Variants in GRHL1 observed in about 807,000 individuals in gnomAD.
The protein encoded by GRHL1 is grainyhead like transcription factor 1.
A neutral mutation model predicts 75.7 loss-of-function variants in GRHL1; 38 were observed. The observed-to-expected ratio is 0.50, with a 90% CI of 0.39 to 0.66. The LOEUF is 0.66. Ranked by LOEUF, GRHL1 falls within the 30% of genes least tolerant of loss-of-function variation. GRHL1 has a pLI of 0.00. For missense variants in GRHL1, 589 were observed against 767.5 expected (o/e 0.77, Z 2.75); for synonymous variants, 266 against 279.4 (o/e 0.95, Z 0.48).
chr2:9,958,977 C>G, intron 3 of GRHL1, 121 bp downstream of exon 3: 1 of 1,394,384 alleles, frequency 7.2e-7, no homozygotes, highest in Non-Finnish European at 9.5e-7. Context: ...AAGTTGGACT[C>G]TTACTATCTA....
At chr2:9,977,986 G>A (rs989471492) in intron 8 of GRHL1, among the ~76,000 whole-genome samples, 11 of 152,194 alleles carry the variant, frequency 7.2e-5, no homozygotes, top group African/African-American at 1.2e-4. Flanking sequence ...GGCGGCCGGC[G>A]AGAGAGAATG....
At chr2:9,985,700 GT>G (rs1668389473) in intron 8 of GRHL1, among the ~76,000 whole-genome samples, 8 of 152,216 alleles carry the variant, frequency 5.3e-5, no homozygotes, top group Non-Finnish European at 4.4e-5. Flanking sequence ...AGTACTACAG[GT>G]TATCCTAAGA....
At chr2:9,989,877 A>G (rs1430843180) in intron 9 of GRHL1, among the ~76,000 whole-genome samples, 1 of 152,036 alleles carries the variant, frequency 6.6e-6, no homozygotes, top group Admixed American at 6.5e-5. Context: ...GTGATGATGC[A>G]TATTTCTAGT....
chr2:9,955,310 G>A (rs549486356), intron 2 of GRHL1, among the ~76,000 whole-genome samples: 8 of 152,304 alleles, frequency 5.3e-5, no homozygotes, highest in East Asian at 1.9e-4. Context: ...CATGCAAAGC[G>A]GTCAGCTGCT....
intron 13 of GRHL1, 82 bp from the exon 14 acceptor site, chr2:9,996,234 T>C (rs994891472): frequency 2.0e-6 from 2 of 985,462 alleles, no homozygotes; most frequent in East Asian, 4.8e-5. Flanking sequence ...TACCGTGGTC[T>C]GTTTTCCTCT....
At position 10,002,137 on chromosome 2, in the gene GRHL1, C is replaced by G. The variant is rs1488483678; in HGVS notation, c.*1430C>G. 1 of 152,490 alleles carries G rather than the reference C, an allele frequency of 6.6e-6. No homozygotes were observed. Among genetic ancestry groups the G allele is most frequent in the Non-Finnish European group, 1.5e-5 (1 of 68,014 alleles). 9.4% of individuals were successfully genotyped at this position (152,490 alleles called of 1,614,324 possible). A position where few individuals can be genotyped will look rare whatever the true frequency, so the allele number is the denominator to read the frequency against. On this transcript the variant is annotated 3_prime_UTR_variant, in exon 16 of 16. Transcript: ENST00000324907. ...GTATGGGAACTAAATTGCTGGTTTT[C>G]TAAGATAAGATATGGGATATGGGTC...
chr2:9,968,799 G>A lies in GRHL1; in HGVS notation c.1110+3418G>A, dbSNP rs550789489. ...AGCGATGCAGCTTTGCAGGAATTCA[G>A]AACTGAGCCCAGCACATATCCGAGA... On this transcript the variant is annotated intron_variant, in intron 8 of 15. Coordinates refer to ENST00000324907, the MANE Select transcript of GRHL1 (RefSeq NM_198182.3). The surrounding 1 kb of genome is among the most constrained non-coding windows in gnomAD (Gnocchi z 4.7). Among the ~76,000 whole-genome samples, 1 of 152,266 alleles carries A rather than the reference G, an allele frequency of 6.6e-6. No homozygotes were observed. Among genetic ancestry groups the A allele is most frequent in the Admixed American group, 6.5e-5 (1 of 15,306 alleles).
chr2:9,998,812 A>ATATATGTACACATATATATATACG (rs1669108347), intron 14 of GRHL1, among the ~76,000 whole-genome samples, 153 bp from the exon 15 acceptor site: 1 of 54,320 alleles, frequency 1.8e-5, no homozygotes, highest in African/African-American at 1.3e-4. Context: ...ATATATACGT[A>ATATATGTACACATATATATATACG]TATATATGTA....
chr2:9,986,380 C>A, intron 9 of GRHL1, 98 bp downstream of exon 9: 1 of 612,202 alleles, frequency 1.6e-6, no homozygotes, highest in Non-Finnish European at 2.7e-6. Flanking sequence ...GAGAATATAG[C>A]TGCTAATATA....
chr2:9,989,876 C>T (rs1433226152), intron 9 of GRHL1, among the ~76,000 whole-genome samples: 1 of 152,014 alleles, frequency 6.6e-6, no homozygotes, highest in Non-Finnish European at 1.5e-5. Flanking sequence ...AGTGATGATG[C>T]ATATTTCTAG....
chr2:9,964,181 C>T, intron 6 of GRHL1, 54 bp from the exon 7 acceptor site: 1 of 1,345,172 alleles, frequency 7.4e-7, no homozygotes, highest in South Asian at 1.2e-5. Flanking sequence ...ATACGTTTTC[C>T]AAAACATACT....
rs76471223 is a variant in GRHL1 at position 9,973,677 on chromosome 2, C to A, written c.1110+8296C>A. On this transcript the variant is annotated intron_variant, in intron 8 of 15. Coordinates refer to ENST00000324907, the MANE Select transcript of GRHL1 (RefSeq NM_198182.3). ...TAGATTTCTATGAACTGTCTTAGAG[C>A]AATCTTTTTGACTGATTTAGAGAAT... is the stretch of plus-strand genomic sequence containing the variant. 7.4e-3 allele frequency among the ~76,000 whole-genome samples: 1,132 copies of A among 152,300 alleles called. 13 individuals are homozygous for A. The highest frequency in any genetic ancestry group is 0.025 in the African/African-American group (1,048 of 41,570).
chr2:9,958,400 G>C (rs939524573), intron 2 of GRHL1, among the ~76,000 whole-genome samples: 3 of 151,888 alleles, frequency 2.0e-5, no homozygotes, highest in African/African-American at 7.3e-5. Flanking sequence ...GGCTGGTCTT[G>C]AACTCCTGGG....
intron 7 of GRHL1, chr2:9,964,859 C>T (rs1191172049): frequency 3.5e-5 from 6 of 171,922 alleles, no homozygotes; most frequent in Admixed American, 2.8e-4. Context: ...TCTGTTCTTG[C>T]CATGTATGTA....
intron 8 of GRHL1, among the ~76,000 whole-genome samples, chr2:9,980,659 TTC>T (rs1231285901): frequency 6.6e-6 from 1 of 152,232 alleles, no homozygotes; most frequent in Admixed American, 6.5e-5. Flanking sequence ...TACAAATGTT[TTC>T]TCTCAAAATA....
chr2:9,993,521 T>A (rs1323030435), intron 12 of GRHL1, among the ~76,000 whole-genome samples: 1 of 152,234 alleles, frequency 6.6e-6, no homozygotes, highest in African/African-American at 2.4e-5. Flanking sequence ...GGATCACACA[T>A]TGTAGTTGTT....
intron 8 of GRHL1, among the ~76,000 whole-genome samples, chr2:9,969,894 C>G (rs544443148): frequency 3.5e-5 from 5 of 142,388 alleles, no homozygotes; most frequent in African/African-American, 1.1e-4. Flanking sequence ...CCAGGCTGGA[C>G]TGCAGTGGCG....
At chr2:9,973,722 G>A (rs79713514) in intron 8 of GRHL1, among the ~76,000 whole-genome samples, 1,632 of 152,238 alleles carry the variant, frequency 0.011, 26 homozygotes, top group Middle Eastern at 0.061. Context: ...AATTTCCCTA[G>A]GGTTTCTACA....
chr2:9,964,135 GCAGCTTTAAGC>G, intron 6 of GRHL1, 89 bp from the exon 7 acceptor site: 1 of 1,345,556 alleles, frequency 7.4e-7, no homozygotes, highest in Non-Finnish European at 1.0e-6. Flanking sequence ...GCCTGAAATT[GCAGCTTTAAGC>G]CTTCACTGTA....
Sources: allele counts gnomAD v4.1 joint callset (sites outside exome capture counted in the v4.1 genomes callset), GRCh38; gene constraint gnomAD v4.1.1; non-coding constraint Gnocchi (gnomAD v3.1); transcripts MANE v1.5; gene names NCBI Gene and HGNC (gene_info 2026-07-23, HGNC 2026-07-21).